NDST1: variants seen among roughly 807,000 people sequenced by gnomAD.
NDST1 encodes bifunctional heparan sulfate N-deacetylase/N-sulfotransferase 1.
Under a neutral mutation model 92.8 loss-of-function variants are expected in NDST1, and 35 were observed. That is an observed-to-expected ratio of 0.38 (90% CI 0.29 to 0.50). NDST1 has a LOEUF of 0.50. Ranked by LOEUF, NDST1 falls within the 20% of genes least tolerant of loss-of-function variation. The pLI, the probability that NDST1 is intolerant of heterozygous loss-of-function variation, is 0.94. For missense variants in NDST1, 822 were observed against 1,182.7 expected (o/e 0.69, Z 4.47); for synonymous variants, 493 against 500.3 (o/e 0.99, Z 0.19).
chr5:150,505,620 C>T (rs1283090582), upstream of NDST1, among the ~76,000 whole-genome samples: 2 of 152,146 alleles, frequency 1.3e-5, no homozygotes, highest in African/African-American at 4.8e-5. Context: ...AACGTGGTGA[C>T]TGACAGGTTA....
At position 150,527,815 on chromosome 5, in the gene NDST1, C is replaced by T. The variant is rs751327444; in HGVS notation, c.525C>T (p.Asn175=). Residue 175 remains asparagine (N), a synonymous_variant, in exon 3 of 15, where the codon AAC becomes AAT. Coordinates refer to ENST00000261797, the MANE Select transcript of NDST1 (RefSeq NM_001543.5). ...GIIGFFKANE[N]SLLSAQLKGF... ...TCCATTGACTGCAGGCCAATGAGAACAGCCTGCTGAGTGCGCAGCTCAAGG... is the reference window on the plus strand; with the variant it reads ...TCCATTGACTGCAGGCCAATGAGAATAGCCTGCTGAGTGCGCAGCTCAAGG... The T allele has an allele frequency of 1.2e-6, 2 of 1,613,974 alleles. No homozygotes were observed. Among genetic ancestry groups the T allele is most frequent in the South Asian group, 1.1e-5 (1 of 91,088 alleles).
intron 1 of NDST1, among the ~76,000 whole-genome samples, chr5:150,512,945 G>A (rs142702736): frequency 6.6e-6 from 1 of 152,362 alleles, no homozygotes; most frequent in African/African-American, 2.4e-5. Flanking sequence ...GGAATTACCT[G>A]TAATCCCAGC....
At chr5:150,547,742 G>A (rs189580455) in intron 11 of NDST1, among the ~76,000 whole-genome samples, 172 of 152,308 alleles carry the variant, frequency 1.1e-3, no homozygotes, top group African/African-American at 3.9e-3. Context: ...CAACAGTGCA[G>A]CAGCGTGATC....
intron 3 of NDST1, among the ~76,000 whole-genome samples, chr5:150,531,424 T>C (rs12517252): frequency 0.38 from 57,892 of 151,710 alleles, 11,296 homozygotes; most frequent in Admixed American, 0.44. Context: ...CTACATTGCC[T>C]GGGGAGGGCC....
intron 6 of NDST1, among the ~76,000 whole-genome samples, chr5:150,537,704 G>A (rs1437287565): frequency 1.3e-5 from 2 of 152,190 alleles, no homozygotes; most frequent in East Asian, 1.9e-4. Flanking sequence ...ACATTGGGAA[G>A]CATGTGATCT....
At chr5:150,540,369 C>T in intron 8 of NDST1, 105 bp downstream of exon 8, 2 of 1,236,112 alleles carry the variant, frequency 1.6e-6, no homozygotes, top group Non-Finnish European at 2.2e-6. Context: ...CATGCCTTCA[C>T]ACTCTCGCTC....
At chr5:150,539,115 C>T (rs1755126521) in intron 6 of NDST1, 113 bp from the exon 7 acceptor site, 2 of 877,030 alleles carry the variant, frequency 2.3e-6, no homozygotes, top group Non-Finnish European at 3.8e-6. Context: ...TGTGCGACCA[C>T]ATGGAGACTG....
intron 5 of NDST1, chr5:150,535,302 G>A (rs1754932055): frequency 1.0e-6 from 1 of 985,254 alleles, no homozygotes; most frequent in African/African-American, 1.7e-5. Context: ...CTGTGCCCAA[G>A]CTCTTACTAG....
chr5:150,528,331 G>A (rs1467585322), intron 3 of NDST1, 33 bp downstream of exon 3: 3 of 1,555,090 alleles, frequency 1.9e-6, no homozygotes, highest in Non-Finnish European at 2.6e-6. Flanking sequence ...GGGCAAGGCA[G>A]GTGGGGCCTG....
In NDST1 at chr5:150,521,503, G is replaced by T; in HGVS notation, c.249G>T (p.Pro83=). The T allele has an allele frequency of 6.2e-7, 1 of 1,614,002 alleles. No individual in the cohort carries two copies. Among genetic ancestry groups the T allele is most frequent in the Non-Finnish European group, 8.5e-7 (1 of 1,180,008 alleles). The part of the protein sequence containing the change: ...VQAATPSRTD[P]LVLVFVESLY... ...CAGCCACCCCTTCCCGCACAGACCC[G>T]TTGGTGCTGGTCTTTGTGGAGAGCC... Residue 83 remains proline, a synonymous_variant, in exon 2 of 15, where the codon CCG becomes CCT. Coordinates refer to ENST00000261797, the MANE Select transcript of NDST1 (RefSeq NM_001543.5). The surrounding 1 kb of genome is among the most constrained non-coding windows in gnomAD (Gnocchi z 5.9).
chr5:150,515,197 C>T (rs376430678), intron 1 of NDST1, among the ~76,000 whole-genome samples: 2 of 152,210 alleles, frequency 1.3e-5, no homozygotes, highest in Non-Finnish European at 2.9e-5. Flanking sequence ...GTGTTAACTG[C>T]AGGATACACA....
intron 13 of NDST1, chr5:150,550,974 TCATCATCATCAC>T (rs1472553313): frequency 1.4e-5 from 2 of 145,974 alleles, no homozygotes; most frequent in African/African-American, 4.8e-5. Context: ...GTCCTTGTCA[TCATCATCATCAC>T]CATCATCATC....
intron 1 of NDST1, among the ~76,000 whole-genome samples, chr5:150,516,063 T>C (rs1753949910): frequency 6.6e-6 from 1 of 151,228 alleles, no homozygotes; most frequent in African/African-American, 2.4e-5. Flanking sequence ...TTCAGCTTCT[T>C]GGCTTCTATC....
At chr5:150,552,898 G>A (rs552146239) in intron 14 of NDST1, among the ~76,000 whole-genome samples, 1 of 152,310 alleles carries the variant, frequency 6.6e-6, no homozygotes, top group Middle Eastern at 3.4e-3. Flanking sequence ...CCAGGCTGGA[G>A]TGCAATCGCG....
intron 1 of NDST1, among the ~76,000 whole-genome samples, chr5:150,500,662 C>T (rs546080314): frequency 6.1e-4 from 93 of 152,348 alleles, no homozygotes; most frequent in African/African-American, 2.2e-3. Flanking sequence ...GTGCTGTGCC[C>T]CTGGTATCAG....
rs1402460586 is a variant in NDST1, at chr5:150,541,671, GTC to G, written c.1846+11_1846+12del. On this transcript the variant is annotated splice_donor_region_variant and intron_variant, in intron 9 of 14. Coordinates refer to ENST00000261797, the MANE Select transcript of NDST1 (RefSeq NM_001543.5). ...TCATCGGCCCCCAGAAAACAGGCAG[GTC>G]TCTCTGCTCTTGACCGAGCTTCCCC... 1 of 1,613,910 alleles carries G rather than the reference GTC, an allele frequency of 6.2e-7. No homozygotes were observed. The highest frequency in any genetic ancestry group is 1.7e-5 in the Admixed American group (1 of 60,016).
intron 9 of NDST1, 94 bp downstream of exon 9, chr5:150,541,760 A>T: frequency 1.7e-6 from 2 of 1,151,164 alleles, no homozygotes; most frequent in Non-Finnish European, 2.6e-6. Context: ...CCACTCCCGG[A>T]TAATTTGCTC....
chr5:150,521,165 AG>A lies in NDST1; in HGVS notation c.-89del. ...CTAAGTCTCTGTGAATTTGTTGGTCAGTGGACGATTCTCGTGTCTCCTCCTG... is the reference window on the plus strand; with the variant it reads ...CTAAGTCTCTGTGAATTTGTTGGTCATGGACGATTCTCGTGTCTCCTCCTG... On this transcript the variant is annotated 5_prime_UTR_variant, in exon 2 of 15. The change creates a new upstream start codon in the 5' untranslated region. Transcript: ENST00000261797. This position sits in a 1 kb window ranked among gnomAD's most constrained non-coding sequence, Gnocchi z 5.9. 1 of 1,189,088 alleles carries A rather than the reference AG, an allele frequency of 8.4e-7. No homozygotes were observed. The highest frequency in any genetic ancestry group is 1.2e-6 in the Non-Finnish European group (1 of 843,878). 73.7% of individuals were successfully genotyped at this position (1,189,088 alleles called of 1,614,324 possible). A position where few individuals can be genotyped will look rare whatever the true frequency, so the allele number is the denominator to read the frequency against.
rs764647790 is a variant in NDST1 at position 150,528,118 on chromosome 5, C to G, written c.828C>G (p.Ile276Met). 6.2e-7 allele frequency: 1 copy of G among 1,614,066 alleles called. No homozygotes were observed. Among genetic ancestry groups the G allele is most frequent in the Non-Finnish European group, 8.5e-7 (1 of 1,179,906 alleles). Residue 276 changes from isoleucine to methionine, a missense_variant, in exon 3 of 15, where the codon ATC (isoleucine) becomes ATG (methionine). Coordinates refer to ENST00000261797, the MANE Select transcript of NDST1 (RefSeq NM_001543.5). Reference protein sequence around the residue: ...VVQDLGLHDGIQRVLFGNNLN... With the variant: ...VVQDLGLHDGMQRVLFGNNLN... ...AGGACCTGGGCCTGCACGACGGCAT[C>G]CAGCGCGTGCTGTTTGGCAACAACC...
Sources: gnomAD v4.1 joint callset for allele counts (sites outside exome capture counted in the v4.1 genomes callset) on GRCh38, gnomAD v4.1.1 for gene constraint, Gnocchi (gnomAD v3.1) non-coding constraint, MANE v1.5 for transcripts, NCBI Gene and HGNC (gene_info 2026-07-23, HGNC 2026-07-21) for gene names.